Variants in GGTLC2 observed in about 807,000 individuals in gnomAD.
The protein encoded by GGTLC2 is glutathione hydrolase light chain 2.
In GGTLC2, 13 loss-of-function variants were observed where a neutral mutation model predicts 20.2. The observed-to-expected ratio is 0.64, with a 90% CI of 0.42 to 1.02. GGTLC2 has a LOEUF of 1.02. Among genes scored for constraint, GGTLC2 ranks in the 50% least tolerant of loss-of-function variants. The pLI, the probability that GGTLC2 is intolerant of heterozygous loss-of-function variation, is 0.00. For synonymous variants in GGTLC2, 89 were observed against 125.5 expected (o/e 0.71, Z 1.94); for missense variants, 202 against 301.3 (o/e 0.67, Z 2.44).
In GGTLC2 at chr22:22,646,856, C is replaced by T. The variant is rs1324336767; in HGVS notation, c.279C>T (p.Pro93=). ...PNITNEFGVP[P]SPANFIQPGK... is the part of the protein sequence containing the mutation. ...TCACCAACGAGTTTGGGGTGCCCCC[C>T]TCACCTGCCAATTTCATCCAGCCAG... The change falls in exon 3 of 6, where the codon CCC becomes CCT. Residue 93 remains proline, a synonymous_variant. Coordinates refer to ENST00000448514, the MANE Select transcript of GGTLC2 (RefSeq NM_199127.3). 3.7e-6 allele frequency: 6 copies of T among 1,613,142 alleles called. No individual in the cohort carries two copies. Among genetic ancestry groups the T allele is most frequent in the South Asian group, 2.2e-5 (2 of 91,048 alleles).
At chr22:22,647,500 A>G in intron 5 of GGTLC2, 95 bp from the exon 6 acceptor site, 1 of 1,591,502 alleles carries the variant, frequency 6.3e-7, no homozygotes, top group South Asian at 1.1e-5. Flanking sequence ...CTGGCCCGAA[A>G]TGGCACCACC....
chr22:22,645,192 G>GCCT (rs2064016331), intron 1 of GGTLC2, among the ~76,000 whole-genome samples: 1 of 151,354 alleles, frequency 6.6e-6, no homozygotes, highest in African/African-American at 2.4e-5. Context: ...GGGATTACAG[G>GCCT]CGTGAGCCAC....
intron 1 of GGTLC2, among the ~76,000 whole-genome samples, chr22:22,645,924 G>A (rs1363242349): frequency 1.3e-5 from 2 of 151,280 alleles, no homozygotes; most frequent in Non-Finnish European, 2.9e-5. Context: ...CATGCCTCTT[G>A]ATTCCCCTTA....
chr22:22,645,272 G>A (rs1209185246), intron 1 of GGTLC2, among the ~76,000 whole-genome samples: 1 of 151,230 alleles, frequency 6.6e-6, no homozygotes, highest in Non-Finnish European at 1.5e-5. Context: ...TCTCCTCCTT[G>A]ACCTCCTCAT....
intron 3 of GGTLC2, 31 bp from the exon 4 acceptor site, chr22:22,646,952 G>T (rs745608157): frequency 1.2e-6 from 2 of 1,611,710 alleles, no homozygotes; most frequent in South Asian, 1.1e-5. Flanking sequence ...GGCAGCTGAC[G>T]GGCATCCCTG....
At position 22,645,269 on chromosome 22, in the gene GGTLC2, C is replaced by T. The variant is rs866845400; in HGVS notation, c.-35+561C>T. Among the ~76,000 whole-genome samples, 497 of 151,422 alleles carry T rather than the reference C, an allele frequency of 3.3e-3. 1 individual carries two copies. Among genetic ancestry groups the T allele is most frequent in the Middle Eastern group, 0.017 (5 of 288 alleles). ...CTTCGGGTCCATCCTCTGTCTCCTC[C>T]TTGACCTCCTCATCTCCTCCTCGCC... On this transcript the variant is annotated intron_variant, in intron 1 of 5. Transcript: ENST00000448514.
At chr22:22,647,463 A>T in intron 5 of GGTLC2, 132 bp from the exon 6 acceptor site, 1 of 835,142 alleles carries the variant, frequency 1.2e-6, no homozygotes, top group South Asian at 1.8e-5. Context: ...GAGACCCAGC[A>T]GGCCCCAACC....
At chr22:22,644,922 C>G (rs1452002762) in intron 1 of GGTLC2, among the ~76,000 whole-genome samples, 2 of 108,820 alleles carry the variant, frequency 1.8e-5, no homozygotes, top group Admixed American at 9.9e-5. Flanking sequence ...ATGGAGTCTC[C>G]CTCTGTCGCC....
At position 22,646,990 on chromosome 22, in the gene GGTLC2, G is replaced by A. The variant is rs1238934956; in HGVS notation, c.312G>A (p.Gln104=). 6.8e-6 allele frequency: 11 copies of A among 1,611,688 alleles called. No homozygotes were observed. Among genetic ancestry groups the A allele is most frequent in the Non-Finnish European group, 8.5e-6 (10 of 1,179,810 alleles). ...TTCTCCCATCGGCCACAGGGAAGCA[G>A]CCGCTCTCGTCAATGTGCCCGACGA... ...SPANFIQPGK[Q]PLSSMCPTIM... is the part of the protein sequence containing the mutation. Residue 104 remains glutamine, a synonymous_variant, in exon 4 of 6, where the codon CAG becomes CAA. Coordinates refer to ENST00000448514, the MANE Select transcript of GGTLC2 (RefSeq NM_199127.3).
chr22:22,646,229 G>A, intron 1 of GGTLC2, 83 bp from the exon 2 acceptor site: 15 of 1,443,734 alleles, frequency 1.0e-5, no homozygotes, highest in Non-Finnish European at 1.4e-5. Context: ...GGTTGTGGGT[G>A]CCAGAGGGTT....
intron 1 of GGTLC2, among the ~76,000 whole-genome samples, chr22:22,645,515 G>A (rs112536747): frequency 3.3e-5 from 5 of 150,608 alleles, no homozygotes; most frequent in South Asian, 2.2e-4. Context: ...CTCGCTAGTC[G>A]GCGCCATCCT....
chr22:22,646,957 T>G, intron 3 of GGTLC2, 26 bp from the exon 4 acceptor site: 1 of 1,611,626 alleles, frequency 6.2e-7, no homozygotes, highest in East Asian at 2.2e-5. Flanking sequence ...CTGACGGGCA[T>G]CCCTGTCTTC....
In GGTLC2 at chr22:22,646,561, G is replaced by T. The variant is rs560395131; in HGVS notation, c.176+40G>T. The T allele has an allele frequency of 1.3e-5, 18 of 1,434,224 alleles. No individual in the cohort carries two copies. In the African/African-American group the frequency reaches 1.5e-4, roughly 12 times the overall value. The allele number at this position is 1,434,224 out of a possible 1,614,324, so 88.8% of individuals were successfully genotyped here. Reference sequence around the variant, plus strand: ...GCCGCCTGGGTGGGAAAGGGCCAGGGGCGGGTGGCCCAGGGACTGCCCACT... The same window carrying T: ...GCCGCCTGGGTGGGAAAGGGCCAGGTGCGGGTGGCCCAGGGACTGCCCACT... On this transcript the variant is annotated intron_variant, in intron 2 of 5. Transcript: ENST00000448514.
Position 22,646,932 on chromosome 22 carries a change from G to A in GGTLC2, c.304+51G>A, listed in dbSNP as rs748632546. 5 of 1,612,084 alleles carry A rather than the reference G, an allele frequency of 3.1e-6. No homozygotes were observed. In the South Asian group the frequency reaches 5.5e-5, roughly 18 times the overall value. On this transcript the variant is annotated intron_variant, in intron 3 of 5. Transcript: ENST00000448514. ...GGGACTGGGGTGGAGAGGGGCGGGT[G>A]TCCTGGGCAGGCAGCTGACGGGCAT...
chr22:22,645,564 G>C lies in GGTLC2; in HGVS notation c.-34-748G>C, dbSNP rs552371150. Reference sequence around the variant, plus strand: ...TCTCCCACCCAGGCCATCATCTCTTGCCTGGTTGATACCCACAGCCTCCCC... The same window carrying C: ...TCTCCCACCCAGGCCATCATCTCTTCCCTGGTTGATACCCACAGCCTCCCC... On this transcript the variant is annotated intron_variant, in intron 1 of 5. Coordinates refer to ENST00000448514, the MANE Select transcript of GGTLC2 (RefSeq NM_199127.3). Among the ~76,000 whole-genome samples, 183 of 150,850 alleles carry C rather than the reference G, an allele frequency of 1.2e-3. 3 individuals carry two copies. The highest frequency in any genetic ancestry group is 4.2e-3 in the African/African-American group (174 of 41,294).
chr22:22,647,070 C>T (rs769939918), intron 4 of GGTLC2, 32 bp downstream of exon 4: 2 of 1,611,700 alleles, frequency 1.2e-6, no homozygotes, highest in South Asian at 1.1e-5. Context: ...GCTGGGGGCA[C>T]ACAGATCACC....
At chr22:22,646,053 G>C in intron 1 of GGTLC2, 2 of 1,168,864 alleles carry the variant, frequency 1.7e-6, no homozygotes, top group South Asian at 3.3e-5. Context: ...GCAAATTCTA[G>C]AAATATTTTT....
intron 5 of GGTLC2, 52 bp downstream of exon 5, chr22:22,647,342 C>T (rs2064134974): frequency 6.2e-7 from 1 of 1,606,076 alleles, no homozygotes; most frequent in Admixed American, 1.7e-5. Flanking sequence ...CCAGGGCATC[C>T]TGGGCTGGAG....
chr22:22,645,434 T>C (rs1409541756), intron 1 of GGTLC2, among the ~76,000 whole-genome samples: 2 of 149,414 alleles, frequency 1.3e-5, no homozygotes, highest in African/African-American at 4.9e-5. Context: ...ACCCATGCTC[T>C]TCAGGTCTGA....
Sources: gnomAD v4.1 joint callset for allele counts (sites outside exome capture counted in the v4.1 genomes callset) on GRCh38, gnomAD v4.1.1 for gene constraint, MANE v1.5 for transcripts, NCBI Gene and HGNC (gene_info 2026-07-23, HGNC 2026-07-21) for gene names.